PLD5: variants seen among roughly 807,000 people sequenced by gnomAD.
The protein encoded by PLD5 is inactive phospholipase D5.
In PLD5, 36 loss-of-function variants were observed where a neutral mutation model predicts 61.1. The observed-to-expected ratio is 0.59, with a 90% confidence interval of 0.45 to 0.78. PLD5 has a LOEUF of 0.78. Among genes scored for constraint, PLD5 ranks in the 30% least tolerant of loss-of-function variants. The pLI, the probability that PLD5 is intolerant of heterozygous loss-of-function variation, is 0.00. For synonymous variants in PLD5, 243 were observed against 242.8 expected, an observed-to-expected ratio of 1.00 and a Z score of -0.01; for missense variants, 515 against 644.4, an observed-to-expected ratio of 0.80 and a Z score of 2.17.
At chr1:242,275,023 A>G (rs931376466) in intron 3 of PLD5, among the ~76,000 whole-genome samples, 2 of 152,176 alleles carry the variant, frequency 1.3e-5, no homozygotes, top group Admixed American at 6.5e-5. Context: ...AGAAGAGTTT[A>G]TCTTGGATAT....
At position 242,086,067 on chromosome 1, in the gene PLD5, T is replaced by C. The variant is rs1659435034; in HGVS notation, c.*3787A>G. ...CTGGTGGGAAATGAGCTTCTATCCA[T>C]CCCAGGTTCATCGAGGCACTTAAAC... On this transcript the variant is annotated 3_prime_UTR_variant, in exon 10 of 10. Coordinates refer to ENST00000536534, the MANE Select transcript of PLD5 (RefSeq NM_001372062.1). 1 of 152,140 alleles carries C rather than the reference T, an allele frequency of 6.6e-6. No homozygotes were observed. The highest frequency in any genetic ancestry group is 2.4e-5 in the African/African-American group (1 of 41,422). The allele number at this position is 152,140 out of a possible 1,614,324, so 9.4% of individuals were successfully genotyped here.
chr1:242,403,343 C>G (rs1217493539), intron 1 of PLD5, among the ~76,000 whole-genome samples: 2 of 152,334 alleles, frequency 1.3e-5, no homozygotes, highest in South Asian at 2.1e-4. Flanking sequence ...CCCAGAGAAC[C>G]TTCCCTGCAA....
At chr1:242,241,315 C>T (rs181146711) in intron 4 of PLD5, among the ~76,000 whole-genome samples, 68 of 152,150 alleles carry the variant, frequency 4.5e-4, no homozygotes, top group African/African-American at 1.6e-3. Context: ...TGAAAAAGCC[C>T]TGCTGATTAT....
chr1:242,374,839 A>G (rs1190859518), intron 1 of PLD5, among the ~76,000 whole-genome samples: 6 of 152,212 alleles, frequency 3.9e-5, no homozygotes, highest in Non-Finnish European at 8.8e-5. Flanking sequence ...GACAATTTAC[A>G]GCATATCCTT....
chr1:242,317,313 C>T (rs1658077174), intron 2 of PLD5, among the ~76,000 whole-genome samples: 1 of 152,196 alleles, frequency 6.6e-6, no homozygotes. Context: ...CTGCGCCTGG[C>T]CTCCACTATT....
chr1:242,499,700 A>T (rs1170548422), intron 1 of PLD5, among the ~76,000 whole-genome samples: 1 of 152,226 alleles, frequency 6.6e-6, no homozygotes, highest in Non-Finnish European at 1.5e-5. Context: ...CCAGTTACCC[A>T]TAGCTGTCGA....
intron 5 of PLD5, among the ~76,000 whole-genome samples, chr1:242,186,338 A>G (rs1232945140): frequency 6.6e-6 from 1 of 152,026 alleles, no homozygotes; most frequent in Non-Finnish European, 1.5e-5. Flanking sequence ...GTCTGCCACC[A>G]TGCCCAGTTA....
Position 242,524,368 on chromosome 1 carries a change from G to T in PLD5, c.-92C>A, listed in dbSNP as rs1394784228. 3 of 1,226,050 alleles carry T rather than the reference G, an allele frequency of 2.4e-6. No individual in the cohort carries two copies. Among genetic ancestry groups the T allele is most frequent in the Non-Finnish European group, 3.2e-6 (3 of 949,952 alleles). 75.9% of individuals were successfully genotyped at this position (1,226,050 alleles called of 1,614,324 possible). A position where few individuals can be genotyped will look rare whatever the true frequency, so the allele number is the denominator to read the frequency against. Reference sequence around the variant, plus strand: ...GGAGGGCGAGCGGGAGGCCCAGCGGGAGCCGGAGGTGGAGCTGGAGACTGA... The same window carrying T: ...GGAGGGCGAGCGGGAGGCCCAGCGGTAGCCGGAGGTGGAGCTGGAGACTGA... On this transcript the variant is annotated 5_prime_UTR_variant, in exon 1 of 10. Coordinates refer to ENST00000536534, the MANE Select transcript of PLD5 (RefSeq NM_001372062.1).
intron 4 of PLD5, 29 bp from the exon 5 acceptor site, chr1:242,220,144 C>G (rs750289670): frequency 1.2e-6 from 2 of 1,611,050 alleles, no homozygotes; most frequent in East Asian, 4.5e-5. Context: ...TCTGGTCAGC[C>G]TCTGCGTCAA....
intron 5 of PLD5, among the ~76,000 whole-genome samples, chr1:242,143,695 T>G (rs1664342230): frequency 6.6e-6 from 1 of 152,112 alleles, no homozygotes; most frequent in Admixed American, 6.5e-5. Context: ...GTGATTGTCC[T>G]TTATCTTAGG....
At position 242,146,049 on chromosome 1, in the gene PLD5, G is replaced by A. The variant is rs550427007; in HGVS notation, c.736-21384C>T. ...AGAGACTGTTCTTAAAGTTGAGCAG[G>A]GGTCAGAGATGGAAAGTGGGGAGTC... is the stretch of plus-strand genomic sequence containing the variant. On this transcript the variant is annotated intron_variant, in intron 5 of 9. Transcript: ENST00000536534. 9.2e-5 allele frequency among the ~76,000 whole-genome samples: 14 copies of A among 152,288 alleles called. No homozygotes were observed. The South Asian group carries it at 2.9e-3, about 32-fold the overall frequency.
rs192053995 is a variant in PLD5, at chr1:242,492,310, G to A, written c.189+31778C>T. Among the ~76,000 whole-genome samples the A allele has an allele frequency of 2.3e-3, 356 of 151,878 alleles. 4 individuals are homozygous for A. Among genetic ancestry groups the A allele is most frequent in the African/African-American group, 8.3e-3 (342 of 41,408 alleles). On this transcript the variant is annotated intron_variant, in intron 1 of 9. Coordinates refer to ENST00000536534, the MANE Select transcript of PLD5 (RefSeq NM_001372062.1). ...GTGGATCACCTGAGGTCAGGAGTTC[G>A]AGACCTGCCTGGCCAACATAGTGAA...
intron 1 of PLD5, among the ~76,000 whole-genome samples, chr1:242,435,846 T>C (rs1451638330): frequency 2.6e-5 from 4 of 152,182 alleles, no homozygotes; most frequent in African/African-American, 4.8e-5. Context: ...AAAATTACTT[T>C]AGATAAATCA....
upstream of PLD5, among the ~76,000 whole-genome samples, chr1:242,526,155 C>G (rs1301515250): frequency 6.6e-6 from 1 of 152,158 alleles, no homozygotes; most frequent in Admixed American, 6.5e-5. Context: ...GTAATCTCAG[C>G]CCCTTGGGAG....
intron 1 of PLD5, among the ~76,000 whole-genome samples, chr1:242,514,679 G>T (rs913099199): frequency 6.6e-6 from 1 of 152,132 alleles, no homozygotes; most frequent in Non-Finnish European, 1.5e-5. Flanking sequence ...CTAAAAAAGA[G>T]AATTTATTAA....
chr1:242,118,018 T>C (rs1662085751), intron 6 of PLD5, among the ~76,000 whole-genome samples: 2 of 152,146 alleles, frequency 1.3e-5, no homozygotes, highest in Non-Finnish European at 2.9e-5. Flanking sequence ...ATTTCACTGC[T>C]TTTTCCAAAA....
intron 1 of PLD5, among the ~76,000 whole-genome samples, chr1:242,511,217 A>G (rs1467828289): frequency 1.3e-5 from 2 of 152,192 alleles, no homozygotes; most frequent in African/African-American, 4.8e-5. Context: ...TTTACCCACA[A>G]CATAAGATAA....
chr1:242,114,649 G>A (rs1054001167), intron 6 of PLD5, among the ~76,000 whole-genome samples: 1 of 152,152 alleles, frequency 6.6e-6, no homozygotes, highest in Admixed American at 6.6e-5. Context: ...TCAGACGAGT[G>A]GGGGCATTAG....
chr1:242,473,336 G>C (rs754087763), intron 1 of PLD5, among the ~76,000 whole-genome samples: 9 of 152,210 alleles, frequency 5.9e-5, no homozygotes, highest in Non-Finnish European at 1.2e-4. Flanking sequence ...GTATGTCCTT[G>C]AGTAAATCAA....
Sources: gnomAD v4.1 joint callset for allele counts (sites outside exome capture counted in the v4.1 genomes callset) on GRCh38, gnomAD v4.1.1 for gene constraint, MANE v1.5 for transcripts, NCBI Gene and HGNC (gene_info 2026-07-23, HGNC 2026-07-21) for gene names.